The following RFFL variants were observed in gnomAD, a reference collection of about 807,000 sequenced individuals.
RFFL encodes ring finger and FYVE like domain containing E3 ubiquitin protein ligase, also known as E3 ubiquitin-protein ligase rififylin.
In RFFL, 16 loss-of-function variants were observed where a neutral mutation model predicts 40.4. That is an observed-to-expected ratio of 0.40 (90% CI 0.27 to 0.60). The LOEUF is 0.60. Among genes scored for constraint, RFFL ranks in the 20% least tolerant of loss-of-function variants. The probability of loss-of-function intolerance (pLI) is 0.47; values close to 1 mark genes in which losing one functional copy is unlikely to be tolerated. For missense variants in RFFL, 367 were observed against 451.7 expected, an observed-to-expected ratio of 0.81 and a Z score of 1.70; for synonymous variants, 154 against 167.9, an observed-to-expected ratio of 0.92 and a Z score of 0.64.
intron 2 of RFFL, 143 bp from the exon 3 acceptor site, chr17:35,021,924 G>T: frequency 1.3e-6 from 1 of 780,676 alleles, no homozygotes. Flanking sequence ...TATATCTAAG[G>T]GTGCAAGCCA....
chr17:35,077,670 G>A (rs555131616), intron 1 of RFFL, among the ~76,000 whole-genome samples: 1 of 152,334 alleles, frequency 6.6e-6, no homozygotes, highest in Admixed American at 6.5e-5. Context: ...CTGATTTAAA[G>A]GCAATCAGAT....
chr17:35,043,649 A>C (rs1450230354), intron 1 of RFFL, among the ~76,000 whole-genome samples: 1 of 152,172 alleles, frequency 6.6e-6, no homozygotes, highest in Non-Finnish European at 1.5e-5. Flanking sequence ...CACGGGGAAA[A>C]TTGGGGGAGT....
At chr17:35,078,076 T>C (rs1341664068) in intron 1 of RFFL, among the ~76,000 whole-genome samples, 1 of 152,208 alleles carries the variant, frequency 6.6e-6, no homozygotes, top group Non-Finnish European at 1.5e-5. Context: ...AAGTGGGGTC[T>C]ACAGATAAAC....
rs2090913079 is a variant in RFFL, at chr17:35,008,585, C to T, written c.*3383G>A. ...AGTTGGGACTACCCACATGCACCAC[C>T]ATGCACGGCTAATTTTTTGGTTTTT... On this transcript the variant is annotated 3_prime_UTR_variant, in exon 7 of 7. Transcript: ENST00000394597. 1 of 152,166 alleles carries T rather than the reference C, an allele frequency of 6.6e-6. No homozygotes were observed. Among genetic ancestry groups the T allele is most frequent in the African/African-American group, 2.4e-5 (1 of 41,422 alleles). 9.4% of individuals were successfully genotyped at this position (152,166 alleles called of 1,614,324 possible). A position where few individuals can be genotyped will look rare whatever the true frequency, so the allele number is the denominator to read the frequency against.
rs750815480 is a variant in RFFL at position 35,021,506 on chromosome 17, G to A, written c.456C>T (p.Ser152=). 1.9e-6 allele frequency: 3 copies of A among 1,604,150 alleles called. No individual in the cohort carries two copies. The highest frequency in any genetic ancestry group is 2.7e-5 in the African/African-American group (2 of 74,704). ...QEDRTRASTL[S]PDFPEQQAFL... ...AGGCCTGCTGCTCAGGAAAGTCTGG[G>A]GACAAGGTGGAGGCACGAGTCCTGT... The change falls in exon 3 of 7, where the codon TCC becomes TCT. Residue 152 remains serine (S), a synonymous_variant. Transcript: ENST00000394597.
chr17:35,086,725 A>G (rs969943805), intron 1 of RFFL, among the ~76,000 whole-genome samples: 10 of 152,292 alleles, frequency 6.6e-5, no homozygotes, highest in African/African-American at 2.4e-4. Flanking sequence ...AAGTTATGAG[A>G]TTCTAAGGTA....
chr17:35,035,515 C>G (rs1028985580), intron 1 of RFFL, among the ~76,000 whole-genome samples: 1 of 151,688 alleles, frequency 6.6e-6, no homozygotes, highest in African/African-American at 2.4e-5. Flanking sequence ...GGGGTTATTA[C>G]AGGAAAGATC....
At chr17:35,087,696 ATTG>A (rs1360343534) in intron 1 of RFFL, among the ~76,000 whole-genome samples, 2 of 152,248 alleles carry the variant, frequency 1.3e-5, no homozygotes, top group Non-Finnish European at 2.9e-5. Flanking sequence ...TCAATCTGCA[ATTG>A]TTATGAAAAT....
intron 1 of RFFL, among the ~76,000 whole-genome samples, chr17:35,059,017 A>ATTTTTTTTTTT (rs750015998): frequency 8.1e-6 from 1 of 123,476 alleles, no homozygotes; most frequent in Non-Finnish European, 1.7e-5. Context: ...TCGAGCTAGA[A>ATTTTTTTTTTT]TTTTTTTTTT....
rs1453465526 is a variant in RFFL, at chr17:35,006,950, A to T, written c.*5018T>A. 1 of 152,316 alleles carries T rather than the reference A, an allele frequency of 6.6e-6. No homozygotes were observed. Among genetic ancestry groups the T allele is most frequent in the Non-Finnish European group, 1.5e-5 (1 of 68,128 alleles). The allele number at this position is 152,316 out of a possible 1,614,324, so 9.4% of individuals were successfully genotyped here. A position where few individuals can be genotyped will look rare whatever the true frequency, so the allele number is the denominator to read the frequency against. On this transcript the variant is annotated 3_prime_UTR_variant, in exon 7 of 7. Coordinates refer to ENST00000394597, the MANE Select transcript of RFFL (RefSeq NM_001017368.2). ...CCCAGGACATTTGGTGTTTTTGAAT[A>T]GGCACCATTCAGCCTTGCTTCAGTA... is the stretch of plus-strand genomic sequence containing the variant.
At position 35,006,346 on chromosome 17, in the gene RFFL, C is replaced by G. The variant is rs2090895151; in HGVS notation, c.*5622G>C. 1 of 154,408 alleles carries G rather than the reference C, an allele frequency of 6.5e-6. No homozygotes were observed. The allele number at this position is 154,408 out of a possible 1,614,324, so 9.6% of individuals were successfully genotyped here. A position where few individuals can be genotyped will look rare whatever the true frequency, so the allele number is the denominator to read the frequency against. Reference sequence around the variant, plus strand: ...GGTCACATGTCACTAGTGACTACCACACTGGACAGTGCAGGTGTAGACGGA... The same window carrying G: ...GGTCACATGTCACTAGTGACTACCAGACTGGACAGTGCAGGTGTAGACGGA... On this transcript the variant is annotated 3_prime_UTR_variant, in exon 7 of 7. Coordinates refer to ENST00000394597, the MANE Select transcript of RFFL (RefSeq NM_001017368.2).
At chr17:35,067,732 G>C (rs1178133576), upstream of RFFL, among the ~76,000 whole-genome samples, 2 of 152,166 alleles carry the variant, frequency 1.3e-5, no homozygotes, top group Admixed American at 1.3e-4. Context: ...TGGGATTATA[G>C]GTGTGAGCCA....
At chr17:35,027,433 A>G (rs555252440) in intron 1 of RFFL, among the ~76,000 whole-genome samples, 1 of 152,308 alleles carries the variant, frequency 6.6e-6, no homozygotes, top group African/African-American at 2.4e-5. Flanking sequence ...GTTTATTAAG[A>G]AGTGTTCGGA....
At chr17:35,030,776 T>A (rs907954096) in intron 1 of RFFL, among the ~76,000 whole-genome samples, 3 of 152,008 alleles carry the variant, frequency 2.0e-5, no homozygotes, top group African/African-American at 7.3e-5. Flanking sequence ...CAGACAAATC[T>A]GAGACAGTAT....
chr17:35,076,470 C>T (rs994926953), intron 1 of RFFL, among the ~76,000 whole-genome samples: 2 of 151,590 alleles, frequency 1.3e-5, no homozygotes, highest in Non-Finnish European at 2.9e-5. Flanking sequence ...CACCTGAGGT[C>T]GGGAGTTCAA....
At chr17:35,017,434 TTCTC>T (rs1264905894) in intron 4 of RFFL, 85 bp downstream of exon 4, 2 of 830,024 alleles carry the variant, frequency 2.4e-6, no homozygotes, top group African/African-American at 3.4e-5. Flanking sequence ...CACACATTTA[TTCTC>T]TCTCCACTCG....
intron 1 of RFFL, among the ~76,000 whole-genome samples, chr17:35,037,431 G>A (rs1453435219): frequency 6.6e-6 from 1 of 152,206 alleles, no homozygotes; most frequent in African/African-American, 2.4e-5. Flanking sequence ...AGGAAATTCT[G>A]TGAAAAGTCT....
In RFFL at chr17:35,010,330, A is replaced by C. The variant is rs1390095476; in HGVS notation, c.*1638T>G. The C allele has an allele frequency of 6.6e-6, 1 of 152,180 alleles. No individual in the cohort carries two copies. Among genetic ancestry groups the C allele is most frequent in the African/African-American group, 2.4e-5 (1 of 41,412 alleles). 9.4% of individuals were successfully genotyped at this position (152,180 alleles called of 1,614,324 possible). ...GGGAAAACACTCTGCTTTCCTGATC[A>C]TGTGTTTTGTGCTTGGCCACGCTTC... On this transcript the variant is annotated 3_prime_UTR_variant, in exon 7 of 7. Coordinates refer to ENST00000394597, the MANE Select transcript of RFFL (RefSeq NM_001017368.2).
intron 1 of RFFL, among the ~76,000 whole-genome samples, chr17:35,060,463 T>C (rs1403751277): frequency 6.6e-6 from 1 of 152,230 alleles, no homozygotes; most frequent in East Asian, 1.9e-4. Flanking sequence ...TCTCTGAGTC[T>C]TACCTAAATG....
Sources: gnomAD v4.1 joint callset for allele counts (sites outside exome capture counted in the v4.1 genomes callset) on GRCh38, gnomAD v4.1.1 for gene constraint, MANE v1.5 for transcripts, NCBI Gene and HGNC (gene_info 2026-07-23, HGNC 2026-07-21) for gene names.